The following RIMS1 variants were observed in gnomAD, a reference collection of about 807,000 sequenced individuals.
RIMS1 encodes the protein regulating synaptic membrane exocytosis protein 1.
Under a neutral mutation model 214.1 loss-of-function variants are expected in RIMS1, and 83 were observed. That is an observed-to-expected ratio of 0.39 (90% CI 0.32 to 0.47). The LOEUF (loss-of-function observed/expected upper bound fraction) is 0.47. RIMS1 is among the 20% of genes least tolerant of loss of function. The pLI is 0.99. For synonymous variants in RIMS1, 793 were observed against 786.8 expected, an observed-to-expected ratio of 1.01 and a Z score of -0.13; for missense variants, 2,050 against 2,161.8, an observed-to-expected ratio of 0.95 and a Z score of 1.03.
intron 29 of RIMS1, among the ~76,000 whole-genome samples, chr6:72,368,199 A>T (rs1373814209): frequency 6.6e-6 from 1 of 151,970 alleles, no homozygotes; most frequent in Non-Finnish European, 1.5e-5. Flanking sequence ...GGCAGCAAGA[A>T]ATTATTTTTC....
At chr6:72,392,923 TAC>T (rs2098722519) in intron 31 of RIMS1, 113 bp downstream of exon 31, 1 of 712,628 alleles carries the variant, frequency 1.4e-6, no homozygotes, top group Non-Finnish European at 2.4e-6. Flanking sequence ...ACATTTTAGC[TAC>T]AGAGTTACTG....
At chr6:71,917,800 T>C (rs1778862519) in intron 1 of RIMS1, among the ~76,000 whole-genome samples, 1 of 152,174 alleles carries the variant, frequency 6.6e-6, no homozygotes, top group South Asian at 2.1e-4. Context: ...TTTGAGCGAT[T>C]GACTACAAAA....
chr6:72,132,678 A>C (rs2040628766), intron 4 of RIMS1, among the ~76,000 whole-genome samples: 1 of 151,846 alleles, frequency 6.6e-6, no homozygotes, highest in Non-Finnish European at 1.5e-5. Context: ...AAATATGGTC[A>C]CTTTAAACTC....
At chr6:72,004,369 C>A (rs1355646045) in intron 2 of RIMS1, among the ~76,000 whole-genome samples, 5 of 152,026 alleles carry the variant, frequency 3.3e-5, no homozygotes, top group African/African-American at 9.7e-5. Context: ...ATTTATAGTC[C>A]TTTGGGTATA....
Position 72,266,043 on chromosome 6 carries a change from G to A in RIMS1, c.3392G>A (p.Arg1131Gln), listed in dbSNP as rs562081460. ...RPDTSLHSPE[R>Q]ERGRWSPSLD... Reference sequence around the variant, plus strand: ...GATACTAGTTTGCATTCACCAGAACGAGAAAGGTATAAAATAAAGACTTTC... The same window carrying A: ...GATACTAGTTTGCATTCACCAGAACAAGAAAGGTATAAAATAAAGACTTTC... Residue 1131 changes from arginine to glutamine, a missense_variant, in exon 22 of 34, where the codon CGA (arginine) becomes CAA (glutamine). Physicochemically the swap from Arg to Gln is conservative, Grantham distance 43. Coordinates refer to ENST00000521978, the MANE Select transcript of RIMS1 (RefSeq NM_014989.7). 1.4e-4 allele frequency: 213 copies of A among 1,570,196 alleles called. No homozygotes were observed. Among genetic ancestry groups the A allele is most frequent in the South Asian group, 6.3e-4 (54 of 85,508 alleles).
intron 6 of RIMS1, among the ~76,000 whole-genome samples, chr6:72,188,208 T>C (rs1271180446): frequency 1.3e-5 from 2 of 152,174 alleles, no homozygotes; most frequent in African/African-American, 2.4e-5. Context: ...CCAGGAACAA[T>C]ACTTTGCATC....
Position 72,217,100 on chromosome 6 carries a change from A to G in RIMS1, c.1679-16673A>G. 5.3e-6 allele frequency: 8 copies of G among 1,512,728 alleles called. No individual in the cohort carries two copies. In the South Asian group the frequency reaches 6.3e-5, roughly 12 times the overall value. The allele number at this position is 1,512,728 out of a possible 1,614,324, so 93.7% of individuals were successfully genotyped here. ...AATGTTGTATTTTGGTGGATTTTTTAATTGTGTTGTGCATTTGCTGCCATT... is the reference window on the plus strand; with the variant it reads ...AATGTTGTATTTTGGTGGATTTTTTGATTGTGTTGTGCATTTGCTGCCATT... On this transcript the variant is annotated intron_variant, in intron 6 of 33. Transcript: ENST00000521978.
At chr6:72,063,004 G>A (rs1174130521) in intron 2 of RIMS1, among the ~76,000 whole-genome samples, 1 of 152,082 alleles carries the variant, frequency 6.6e-6, no homozygotes, top group Non-Finnish European at 1.5e-5. Context: ...ACATTCAGAG[G>A]TACTTGGGAT....
chr6:72,201,458 A>G lies in RIMS1; in HGVS notation c.1678+18309A>G, dbSNP rs1312037566. On this transcript the variant is annotated intron_variant, in intron 6 of 33. Transcript: ENST00000521978. ...AATCATACTGCAGTGTTTTTGACCCATTTTATCCAGTGAATGAAAAGGTTG... is the reference window on the plus strand; with the variant it reads ...AATCATACTGCAGTGTTTTTGACCCGTTTTATCCAGTGAATGAAAAGGTTG... Among the ~76,000 whole-genome samples, 8 of 152,282 alleles carry G rather than the reference A, an allele frequency of 5.3e-5. No homozygotes were observed. The East Asian group carries it at 5.8e-4, about 11-fold the overall frequency.
intron 1 of RIMS1, among the ~76,000 whole-genome samples, chr6:71,912,093 G>A (rs547986669): frequency 1.3e-5 from 2 of 152,262 alleles, no homozygotes; most frequent in African/African-American, 4.8e-5. Context: ...AACCTAGTCA[G>A]TTGAGTCAAG....
At chr6:71,894,770 T>A (rs1036490924) in intron 1 of RIMS1, among the ~76,000 whole-genome samples, 3 of 152,226 alleles carry the variant, frequency 2.0e-5, no homozygotes, top group African/African-American at 7.2e-5. Flanking sequence ...ATTTTGATAA[T>A]TCCTCTGATG....
intron 28 of RIMS1, 136 bp from the exon 29 acceptor site, chr6:72,333,464 G>T (rs555091619): frequency 2.4e-4 from 154 of 649,678 alleles, no homozygotes; most frequent in Non-Finnish European, 3.9e-4. Flanking sequence ...GTATTTGTAG[G>T]TATAGATCCA....
intron 6 of RIMS1, among the ~76,000 whole-genome samples, chr6:72,233,451 G>T (rs548611158): frequency 6.6e-6 from 1 of 151,056 alleles, no homozygotes; most frequent in South Asian, 2.1e-4. Flanking sequence ...CTAGATAGCA[G>T]GTTGTGGCTG....
At chr6:72,366,017 C>T (rs1205072934) in intron 29 of RIMS1, among the ~76,000 whole-genome samples, 1 of 152,136 alleles carries the variant, frequency 6.6e-6, no homozygotes, top group African/African-American at 2.4e-5. Context: ...CATAGCAATA[C>T]CAATACCAGA....
rs377061580 is a variant in RIMS1 at position 72,152,369 on chromosome 6, T to C, written c.472-27206T>C. ...AAAACTGAAGCAGAGAACAGTTGGG[T>C]AGCTTGTCTAAGATCACAATTGGTT... On this transcript the variant is annotated intron_variant, in intron 4 of 33. Coordinates refer to ENST00000521978, the MANE Select transcript of RIMS1 (RefSeq NM_014989.7). Among the ~76,000 whole-genome samples, 272 of 152,260 alleles carry C rather than the reference T, an allele frequency of 1.8e-3. 1 individual carries two copies. Among genetic ancestry groups the C allele is most frequent in the African/African-American group, 6.4e-3 (264 of 41,534 alleles).
intron 7 of RIMS1, among the ~76,000 whole-genome samples, chr6:72,234,386 T>A (rs1054343608): frequency 6.6e-6 from 1 of 151,978 alleles, no homozygotes; most frequent in African/African-American, 2.4e-5. Flanking sequence ...TGTTTATTTT[T>A]AAAAAATTTA....
At chr6:72,218,252 G>A (rs1024277902) in intron 6 of RIMS1, among the ~76,000 whole-genome samples, 1 of 152,064 alleles carries the variant, frequency 6.6e-6, no homozygotes. Flanking sequence ...AGCCTGATGA[G>A]GACCTGGACG....
At chr6:72,264,817 G>A (rs2079668595) in intron 19 of RIMS1, among the ~76,000 whole-genome samples, 158 bp from the exon 20 acceptor site, 1 of 151,966 alleles carries the variant, frequency 6.6e-6, no homozygotes, top group Non-Finnish European at 1.5e-5. Flanking sequence ...AATAATTGTA[G>A]TCTTCCCTTC....
At chr6:72,326,722 G>T (rs1266809595) in intron 28 of RIMS1, among the ~76,000 whole-genome samples, 2 of 151,818 alleles carry the variant, frequency 1.3e-5, no homozygotes, top group East Asian at 3.9e-4. Flanking sequence ...CCGACAAAGG[G>T]TTCCTATATC....
Sources: gnomAD v4.1 joint callset for allele counts (sites outside exome capture counted in the v4.1 genomes callset) on GRCh38, gnomAD v4.1.1 for gene constraint, MANE v1.5 for transcripts, NCBI Gene and HGNC (gene_info 2026-07-23, HGNC 2026-07-21) for gene names.